The following ERICH1 variants were observed in gnomAD, a reference collection of about 807,000 sequenced individuals.
ERICH1 encodes glutamate-rich protein 1.
ERICH1 carries 56 observed loss-of-function variants against 39.6 expected under a neutral mutation model. The observed-to-expected ratio is 1.41, with a 90% CI of 1.14 to 1.77. ERICH1 has a LOEUF of 1.77. Ranked by LOEUF, ERICH1 falls within the 40% of genes most tolerant of loss-of-function variation. ERICH1 has a pLI of 0.00. For missense variants in ERICH1, 826 were observed against 575.4 expected, an observed-to-expected ratio of 1.44 and a Z score of -4.45; for synonymous variants, 313 against 223.6, an observed-to-expected ratio of 1.40 and a Z score of -3.57.
chr8:624,996 G>A (rs1357766160), intron 3 of ERICH1, among the ~76,000 whole-genome samples: 1 of 152,136 alleles, frequency 6.6e-6, no homozygotes, highest in Non-Finnish European at 1.5e-5. Flanking sequence ...AAAGTCCTGG[G>A]ATTACAGGCG....
Position 664,210 on chromosome 8 carries a change from A to G in ERICH1, c.*393T>C, listed in dbSNP as rs1338249391. The G allele has an allele frequency of 1.0e-6, 1 of 987,634 alleles. No individual in the cohort carries two copies. Among genetic ancestry groups the G allele is most frequent in the Non-Finnish European group, 1.2e-6 (1 of 830,896 alleles). 61.2% of individuals were successfully genotyped at this position (987,634 alleles called of 1,614,324 possible). A position where few individuals can be genotyped will look rare whatever the true frequency, so the allele number is the denominator to read the frequency against. On this transcript the variant is annotated 3_prime_UTR_variant, in exon 6 of 6. Coordinates refer to ENST00000262109, the MANE Select transcript of ERICH1 (RefSeq NM_207332.3). Reference sequence around the variant, plus strand: ...CAACTATATTCAAACTACTTAAACTAGAACATTTTAATACCCAGAAAGCAT... The same window carrying G: ...CAACTATATTCAAACTACTTAAACTGGAACATTTTAATACCCAGAAAGCAT...
chr8:703,731 C>A (rs1242252012), intron 2 of ERICH1, among the ~76,000 whole-genome samples: 1 of 152,166 alleles, frequency 6.6e-6, no homozygotes, highest in Non-Finnish European at 1.5e-5. Flanking sequence ...TTGAGAAAAT[C>A]TCCCAGAAAG....
intron 3 of ERICH1, among the ~76,000 whole-genome samples, chr8:652,519 G>C (rs566384526): frequency 6.6e-6 from 1 of 152,320 alleles, no homozygotes; most frequent in East Asian, 1.9e-4. Flanking sequence ...CACACCTGCT[G>C]TTTCCGCATA....
intron 3 of ERICH1, among the ~76,000 whole-genome samples, chr8:642,093 G>C (rs1478705265): frequency 2.0e-5 from 3 of 152,238 alleles, no homozygotes; most frequent in Non-Finnish European, 4.4e-5. Flanking sequence ...GCCCAGAGAT[G>C]ATTTCACTTT....
intron 3 of ERICH1, among the ~76,000 whole-genome samples, chr8:682,007 G>A (rs968981326): frequency 6.6e-6 from 1 of 152,066 alleles, no homozygotes; most frequent in Admixed American, 6.6e-5. Flanking sequence ...CACCTTTGAT[G>A]TCTCCTCTCA....
In ERICH1 at chr8:689,402, C is replaced by A. The variant is rs559571198; in HGVS notation, c.304+3076G>T. 7.9e-5 allele frequency among the ~76,000 whole-genome samples: 12 copies of A among 152,318 alleles called. No individual in the cohort carries two copies. The South Asian group carries it at 2.5e-3, about 32-fold the overall frequency. ...CTGGAATTACAGGCGTGAGCCACTGCGCCTGGCCTCACCTATGATCTTGAC... is the reference window on the plus strand; with the variant it reads ...CTGGAATTACAGGCGTGAGCCACTGAGCCTGGCCTCACCTATGATCTTGAC... On this transcript the variant is annotated intron_variant, in intron 3 of 5. Transcript: ENST00000262109.
intron 3 of ERICH1, among the ~76,000 whole-genome samples, chr8:618,545 C>T (rs1336887646): frequency 1.3e-5 from 2 of 152,222 alleles, no homozygotes; most frequent in African/African-American, 4.8e-5. Flanking sequence ...GAGTGAGTGA[C>T]TGACAGAGCC....
intron 1 of ERICH1, among the ~76,000 whole-genome samples, chr8:727,358 G>A (rs1184528970): frequency 6.6e-6 from 1 of 152,228 alleles, no homozygotes; most frequent in Non-Finnish European, 1.5e-5. Flanking sequence ...GACAGCGCCA[G>A]CGATTCCTGG....
chr8:633,336 G>A (rs1798172201), intron 3 of ERICH1, among the ~76,000 whole-genome samples: 1 of 152,204 alleles, frequency 6.6e-6, no homozygotes, highest in Non-Finnish European at 1.5e-5. Flanking sequence ...AGGGGAAATG[G>A]ATCAGGATGC....
At chr8:661,845 G>T (rs1394638264), downstream of ERICH1, among the ~76,000 whole-genome samples, 2 of 152,244 alleles carry the variant, frequency 1.3e-5, no homozygotes, top group African/African-American at 4.8e-5. Flanking sequence ...GCAAAGTAAA[G>T]CCCCACAGGA....
intron 3 of ERICH1, among the ~76,000 whole-genome samples, chr8:658,849 G>C (rs1190373268): frequency 6.6e-6 from 1 of 152,192 alleles, no homozygotes; most frequent in Non-Finnish European, 1.5e-5. Context: ...TATGGGGCCC[G>C]AGCTGGCTCC....
At chr8:687,818 G>A (rs1038773473) in intron 3 of ERICH1, among the ~76,000 whole-genome samples, 2 of 152,172 alleles carry the variant, frequency 1.3e-5, no homozygotes, top group Admixed American at 6.5e-5. Flanking sequence ...GGAATCGGGG[G>A]CGAGGCGCGG....
rs760863166 is a variant in ERICH1, at chr8:715,991, C to A, written c.39G>T (p.Val13=). The A allele has an allele frequency of 1.2e-6, 2 of 1,610,314 alleles. No homozygotes were observed. The highest frequency in any genetic ancestry group is 8.5e-7 in the Non-Finnish European group (1 of 1,178,816). Residue 13 remains valine, a synonymous_variant, in exon 2 of 6, where the codon GTG becomes GTT. Coordinates refer to ENST00000262109, the MANE Select transcript of ERICH1 (RefSeq NM_207332.3). ...GAACAGGAGGAAAAAGTCTCTGCAG[C>A]ACCTTCTCCACAAACACTGTACAGA... is the stretch of plus-strand genomic sequence containing the variant. The part of the protein sequence containing the change: ...AHRKHVFVEK[V]LQRLFPPVPS...
At position 707,353 on chromosome 8, in the gene ERICH1, A is replaced by G. The variant is rs187614255; in HGVS notation, c.169+8508T>C. ...CTCCCAGGTAGCTGGGACTACAGGT[A>G]CCTGCCACCATGCCTGAATAATTTT... On this transcript the variant is annotated intron_variant, in intron 2 of 5. Coordinates refer to ENST00000262109, the MANE Select transcript of ERICH1 (RefSeq NM_207332.3). 4.8e-4 allele frequency among the ~76,000 whole-genome samples: 73 copies of G among 151,846 alleles called. 1 individual carries two copies. The East Asian group carries it at 7.4e-3, about 15-fold the overall frequency.
At chr8:700,345 A>ACAGGCGCACAGG (rs1811715516) in intron 2 of ERICH1, among the ~76,000 whole-genome samples, 1 of 15,728 alleles carries the variant, frequency 6.4e-5, no homozygotes, top group African/African-American at 1.3e-4. Flanking sequence ...ACGCGCACAG[A>ACAGGCGCACAGG]TCCGCACACG....
At chr8:628,391 C>T (rs1446434692) in intron 3 of ERICH1, among the ~76,000 whole-genome samples, 4 of 152,208 alleles carry the variant, frequency 2.6e-5, no homozygotes, top group East Asian at 1.9e-4. Flanking sequence ...TTGAGAGTGA[C>T]GATCTCATAA....
downstream of ERICH1, among the ~76,000 whole-genome samples, chr8:663,521 C>CGGGACAGGT (rs1801741511): frequency 6.7e-6 from 1 of 149,678 alleles, no homozygotes; most frequent in African/African-American, 2.5e-5. Context: ...TGCTCACAGG[C>CGGGACAGGT]GGGACAGGCG....
At chr8:701,259 G>A (rs1812059466) in intron 2 of ERICH1, among the ~76,000 whole-genome samples, 9 of 151,540 alleles carry the variant, frequency 5.9e-5, no homozygotes, top group Admixed American at 5.9e-4. Context: ...TGCTGGACGG[G>A]AGCACGCCGT....
intron 3 of ERICH1, chr8:626,351 GC>G (rs987819865): frequency 6.6e-6 from 1 of 152,174 alleles, no homozygotes; most frequent in African/African-American, 2.4e-5. Context: ...TGACCGGGGG[GC>G]TTCTCTAAAG....
Sources: gnomAD v4.1 joint callset for allele counts (sites outside exome capture counted in the v4.1 genomes callset) on GRCh38, gnomAD v4.1.1 for gene constraint, MANE v1.5 for transcripts, NCBI Gene and HGNC (gene_info 2026-07-23, HGNC 2026-07-21) for gene names.